The following ZNF609 variants were observed in gnomAD, a reference collection of about 807,000 sequenced individuals.
ZNF609 encodes the protein zinc finger protein 609.
In ZNF609, 11 loss-of-function variants were observed where a neutral mutation model predicts 109.5. The observed-to-expected ratio is 0.10, with a 90% confidence interval of 0.06 to 0.17. The LOEUF is 0.17. Ranked by LOEUF, ZNF609 falls within the 10% of genes least tolerant of loss-of-function variation. The pLI is 1.00. For missense variants in ZNF609, 1,559 were observed against 1,772.4 expected, an observed-to-expected ratio of 0.88 and a Z score of 2.16; for synonymous variants, 646 against 662.0, an observed-to-expected ratio of 0.98 and a Z score of 0.37.
chr15:64,678,519 G>A (rs762105771), intron 6 of ZNF609, 37 bp downstream of exon 6: 4 of 1,523,172 alleles, frequency 2.6e-6, no homozygotes, highest in Non-Finnish European at 3.5e-6. Context: ...CCATTCACTG[G>A]AAGGGGGAAT....
At chr15:64,513,842 A>G (rs1893768129) in intron 2 of ZNF609, among the ~76,000 whole-genome samples, 1 of 152,196 alleles carries the variant, frequency 6.6e-6, no homozygotes, top group Non-Finnish European at 1.5e-5. Flanking sequence ...CTGTAATCCC[A>G]GCACTTCAGG....
At chr15:64,488,486 G>A (rs1482881215) in intron 1 of ZNF609, among the ~76,000 whole-genome samples, 1 of 152,200 alleles carries the variant, frequency 6.6e-6, no homozygotes, top group African/African-American at 2.4e-5. Context: ...AAACAAATGT[G>A]ACATCCTTGA....
chr15:64,556,164 T>A (rs562610767), intron 2 of ZNF609, among the ~76,000 whole-genome samples: 6 of 151,956 alleles, frequency 3.9e-5, no homozygotes, highest in African/African-American at 1.4e-4. Context: ...CAATTTTTTT[T>A]TTTTTATTAT....
chr15:64,537,085 T>G (rs1286373591), intron 2 of ZNF609, among the ~76,000 whole-genome samples: 2 of 149,876 alleles, frequency 1.3e-5, no homozygotes, highest in Non-Finnish European at 3.0e-5. Context: ...TAGCCAGGTG[T>G]GGTGGTGGGC....
At chr15:64,583,818 C>T (rs1171090678) in intron 2 of ZNF609, among the ~76,000 whole-genome samples, 1 of 152,114 alleles carries the variant, frequency 6.6e-6, no homozygotes, top group Non-Finnish European at 1.5e-5. Context: ...TTTGAGCGAT[C>T]TTCCTGTTTT....
intron 3 of ZNF609, among the ~76,000 whole-genome samples, chr15:64,650,820 C>G (rs1896405793): frequency 6.7e-6 from 1 of 149,468 alleles, no homozygotes; most frequent in Non-Finnish European, 1.5e-5. Context: ...ACATCTTCAC[C>G]TAAGACTAGA....
rs188658985 is a variant in ZNF609, at chr15:64,529,429, C to T, written c.747+29263C>T. On this transcript the variant is annotated intron_variant, in intron 2 of 9. Transcript: ENST00000326648. Reference sequence around the variant, plus strand: ...TCACCCCATTTGATTTTGGAGGGATCTTGGTCCTGGAAAATGGGTGATGGG... The same window carrying T: ...TCACCCCATTTGATTTTGGAGGGATTTTGGTCCTGGAAAATGGGTGATGGG... The T allele has an allele frequency of 2.5e-4, 209 of 819,868 alleles. 1 individual carries two copies. The African/African-American group carries it at 3.3e-3, about 13-fold the overall frequency. The allele number at this position is 819,868 out of a possible 1,614,324, so 50.8% of individuals were successfully genotyped here. A position where few individuals can be genotyped will look rare whatever the true frequency, so the allele number is the denominator to read the frequency against.
chr15:64,577,924 G>C (rs188085974), intron 2 of ZNF609, among the ~76,000 whole-genome samples: 1 of 151,756 alleles, frequency 6.6e-6, no homozygotes, highest in African/African-American at 2.4e-5. Flanking sequence ...GGAGGTCAAG[G>C]TGGGAGGATT....
intron 2 of ZNF609, among the ~76,000 whole-genome samples, chr15:64,602,978 C>T (rs933991900): frequency 2.1e-5 from 3 of 141,962 alleles, no homozygotes; most frequent in African/African-American, 5.2e-5. Flanking sequence ...ATCTCCTGAC[C>T]TTGTGATCTG....
chr15:64,500,801 G>T lies in ZNF609; in HGVS notation c.747+635G>T, dbSNP rs1333377613. 3.7e-5 allele frequency: 7 copies of T among 188,642 alleles called. No homozygotes were observed. In the Admixed American group the frequency reaches 3.8e-4, roughly 10 times the overall value. 11.7% of individuals were successfully genotyped at this position (188,642 alleles called of 1,614,324 possible). On this transcript the variant is annotated intron_variant, in intron 2 of 9. Transcript: ENST00000326648. The stretch of plus-strand genomic sequence containing the variant: ...GACAGTTTGGCCTAGGAAGAGATTG[G>T]CCATTAAAGGTGTAGCTTCATGCCA...
intron 2 of ZNF609, among the ~76,000 whole-genome samples, chr15:64,568,603 C>G (rs1427581632): frequency 6.6e-6 from 1 of 152,216 alleles, no homozygotes; most frequent in Non-Finnish European, 1.5e-5. Context: ...AGAATCACAA[C>G]TGTAGGTCCT....
rs757072812 is a variant in ZNF609, at chr15:64,499,788, G to T, written c.369G>T (p.Gly123=). ...EGAASKKEVQ[G]RSGDGANAGG... ...CAGCTAGCAAGAAAGAGGTGCAGGG[G>T]CGCTCAGGAGATGGTGCCAATGCTG... The change falls in exon 2 of 10, where the codon GGG becomes GGT. Residue 123 remains glycine, a synonymous_variant. Coordinates refer to ENST00000326648, the MANE Select transcript of ZNF609 (RefSeq NM_015042.2). The T allele has an allele frequency of 6.2e-7, 1 of 1,614,098 alleles. No homozygotes were observed. The highest frequency in any genetic ancestry group is 1.1e-5 in the South Asian group (1 of 91,084).
intron 2 of ZNF609, among the ~76,000 whole-genome samples, chr15:64,607,183 TA>T (rs35601437): frequency 0.87 from 132,191 of 151,394 alleles, 58,660 homozygotes; most frequent in East Asian, 0.96. Flanking sequence ...ATAAATAAAG[TA>T]AAAAAAATAA....
rs770191456 is a variant in ZNF609, at chr15:64,622,842, T to C, written c.763T>C (p.Ser255Pro). 2 of 1,614,244 alleles carry C rather than the reference T, an allele frequency of 1.2e-6. No homozygotes were observed. Among genetic ancestry groups the C allele is most frequent in the South Asian group, 1.1e-5 (1 of 91,086 alleles). Residue 255 changes from serine (S) to proline (P), a missense_variant, in exon 3 of 10, where the codon TCC becomes CCC. Transcript: ENST00000326648. ...VKSEKMESPV[S>P]TPAVLPIHLL... ...CCCTCCACAGATGGAGTCCCCTGTT[T>C]CCACACCAGCAGTGCTGCCAATACA... is the stretch of plus-strand genomic sequence containing the variant.
At chr15:64,475,072 CCTGT>C (rs1200604446) in intron 1 of ZNF609, among the ~76,000 whole-genome samples, 1 of 147,538 alleles carries the variant, frequency 6.8e-6, no homozygotes, top group African/African-American at 2.5e-5. Flanking sequence ...AGATTACAGG[CCTGT>C]GCTAGCATAC....
intron 1 of ZNF609, among the ~76,000 whole-genome samples, chr15:64,463,399 TA>T (rs34188401): frequency 0.087 from 12,193 of 140,532 alleles, 479 homozygotes; most frequent in African/African-American, 0.12. Flanking sequence ...ACCTTGTCTT[TA>T]AAAAAAAAAA....
At chr15:64,609,064 TTTTCTTTCTTTCTTTCTTTC>T (rs3057833) in intron 2 of ZNF609, among the ~76,000 whole-genome samples, 173 of 119,134 alleles carry the variant, frequency 1.5e-3, no homozygotes, top group South Asian at 7.4e-3. Context: ...TAGTTTTAAT[TTTTCTTTCTTTCTTTCTTTC>T]TTTCTTTCTT....
chr15:64,519,719 T>C (rs1259869978), intron 2 of ZNF609, among the ~76,000 whole-genome samples: 1 of 152,216 alleles, frequency 6.6e-6, no homozygotes, highest in Non-Finnish European at 1.5e-5. Context: ...AGTTTTCCTT[T>C]TTTCTTTTTT....
chr15:64,639,323 G>A (rs568035297), intron 3 of ZNF609, among the ~76,000 whole-genome samples: 16 of 152,308 alleles, frequency 1.1e-4, no homozygotes, highest in South Asian at 2.1e-4. Context: ...TTCCTGGGCT[G>A]CTGTAACAAT....
Sources: allele counts gnomAD v4.1 joint callset (sites outside exome capture counted in the v4.1 genomes callset), GRCh38; gene constraint gnomAD v4.1.1; transcripts MANE v1.5; gene names NCBI Gene and HGNC (gene_info 2026-07-23, HGNC 2026-07-21).